MEAF6: variants seen among roughly 807,000 people sequenced by gnomAD.
MEAF6 encodes the protein MYST/Esa1 associated factor 6.
MEAF6 carries 15 observed loss-of-function variants against 28.9 expected under a neutral mutation model. The observed-to-expected ratio is 0.52, with a 90% CI of 0.35 to 0.80. MEAF6 has a LOEUF of 0.80. Ranked by LOEUF, MEAF6 falls within the 30% of genes least tolerant of loss-of-function variation. The pLI, the probability that MEAF6 is intolerant of heterozygous loss-of-function variation, is 0.01. For synonymous variants in MEAF6, 97 were observed against 88.7 expected (o/e 1.09, Z -0.53); for missense variants, 178 against 237.5 (o/e 0.75, Z 1.65).
intron 6 of MEAF6, among the ~76,000 whole-genome samples, chr1:37,495,135 C>A (rs1642076445): frequency 6.6e-6 from 1 of 150,802 alleles, no homozygotes; most frequent in Non-Finnish European, 1.5e-5. Context: ...GAGTTTGAGA[C>A]CAGCATGACC....
rs1641957477 is a variant in MEAF6, at chr1:37,492,194, A to C, written c.*1905T>G. On this transcript the variant is annotated 3_prime_UTR_variant, in exon 7 of 7. Coordinates refer to ENST00000296214, the MANE Select transcript of MEAF6 (RefSeq NM_001270875.3). ...CCGGCACCCGCCACCACGCTCAGCT[A>C]ATTTTTTGCATTTTTAGTAGAGATG... 6.6e-6 allele frequency among the ~76,000 whole-genome samples: 1 copy of C among 151,988 alleles called. No homozygotes were observed. Among genetic ancestry groups the C allele is most frequent in the Admixed American group, 6.6e-5 (1 of 15,248 alleles).
At chr1:37,514,613 G>A in intron 1 of MEAF6, 44 bp downstream of exon 1, 1 of 1,419,706 alleles carries the variant, frequency 7.0e-7, no homozygotes, top group African/African-American at 1.5e-5. Flanking sequence ...AGGCGGGGCG[G>A]GCGCGGAGCC....
At chr1:37,510,077 A>ATTTT (rs958473140) in intron 2 of MEAF6, among the ~76,000 whole-genome samples, 1 of 133,336 alleles carries the variant, frequency 7.5e-6, no homozygotes, top group Non-Finnish European at 1.6e-5. Context: ...GCGCCCAGAC[A>ATTTT]TTTTTTTTTT....
At chr1:37,505,876 T>C in intron 4 of MEAF6, among the ~76,000 whole-genome samples, 1 of 152,216 alleles carries the variant, frequency 6.6e-6, no homozygotes, top group Non-Finnish European at 1.5e-5. Flanking sequence ...AACAACTAGA[T>C]ATTCACATGC....
In MEAF6 at chr1:37,491,935, C is replaced by CA. The variant is rs1641946469; in HGVS notation, c.*2163dup. Among the ~76,000 whole-genome samples the CA allele has an allele frequency of 7.3e-6, 1 of 136,058 alleles. No homozygotes were observed. Among genetic ancestry groups the CA allele is most frequent in the South Asian group, 2.2e-4 (1 of 4,516 alleles). The allele number at this position is 136,058 out of a possible 152,430, so 89.3% of individuals were successfully genotyped here. A position where few individuals can be genotyped will look rare whatever the true frequency, so the allele number is the denominator to read the frequency against. ...TCTTTCTTTTTTTTTTTTTTTTTGA[C>CA]AGAGTCTCGCTCTGTCGCCCAGGCT... On this transcript the variant is annotated 3_prime_UTR_variant, in exon 7 of 7. Transcript: ENST00000296214.
intron 4 of MEAF6, among the ~76,000 whole-genome samples, chr1:37,508,503 T>C (rs553884220): frequency 6.6e-6 from 1 of 152,156 alleles, no homozygotes; most frequent in African/African-American, 2.4e-5. Flanking sequence ...GGTCTTGAAC[T>C]TGAACTTGTG....
At position 37,509,476 on chromosome 1, in the gene MEAF6, T is replaced by C. The variant is rs146533641; in HGVS notation, c.273A>G (p.Lys91=). 58 of 1,613,912 alleles carry C rather than the reference T, an allele frequency of 3.6e-5. 1 individual carries two copies. The Middle Eastern group carries it at 6.6e-4, about 18-fold the overall frequency. ...KFKEAERLFS[K]SSVTSAAAVS... ...TTACAGCTGCTGAGGTAACCGAGGA[T>C]TTACTGAAGAGCCGCTCAGCTTCCT... The change falls in exon 3 of 7, where the codon AAA becomes AAG. Residue 91 remains lysine (K), a synonymous_variant. Transcript: ENST00000296214.
rs948188195 is a variant in MEAF6 at position 37,492,280 on chromosome 1, G to A, written c.*1819C>T. On this transcript the variant is annotated 3_prime_UTR_variant, in exon 7 of 7. Transcript: ENST00000296214. ...CCTGACCTCGTGATCCGCCCGCTTC[G>A]GCCTCCCAAAGTGCTGGGATTACAG... Among the ~76,000 whole-genome samples, 8 of 151,734 alleles carry A rather than the reference G, an allele frequency of 5.3e-5. No individual in the cohort carries two copies. The highest frequency in any genetic ancestry group is 3.9e-4 in the East Asian group (2 of 5,116).
intron 5 of MEAF6, among the ~76,000 whole-genome samples, chr1:37,500,193 G>A (rs1038322320): frequency 4.6e-5 from 7 of 152,130 alleles, no homozygotes; most frequent in Non-Finnish European, 5.9e-5. Context: ...CTACTCAGGA[G>A]GCTGAGGCAG....
intron 4 of MEAF6, among the ~76,000 whole-genome samples, chr1:37,503,953 C>T (rs1440845704): frequency 3.3e-5 from 5 of 152,148 alleles, no homozygotes; most frequent in Middle Eastern, 3.4e-3. Context: ...AACGAGACTC[C>T]ATCTCAAAAA....
chr1:37,511,249 C>A (rs1043664315), intron 2 of MEAF6, among the ~76,000 whole-genome samples: 1 of 152,258 alleles, frequency 6.6e-6, no homozygotes, highest in East Asian at 1.9e-4. Flanking sequence ...GTTGAAACGA[C>A]AAACAAGCCA....
In MEAF6 at chr1:37,494,515, CAAAAAAAA is replaced by C. The variant is rs35851858; in HGVS notation, c.568-416_568-409del. ...GGGTGACAAGAGTGAAACTCTGTTT[CAAAAAAAA>C]AAAAAAAAAAAAAGATTGTATTTCA... On this transcript the variant is annotated intron_variant, in intron 6 of 6. Transcript: ENST00000296214. Among the ~76,000 whole-genome samples, 69 of 82,254 alleles carry C rather than the reference CAAAAAAAA, an allele frequency of 8.4e-4. 1 individual carries two copies. The highest frequency in any genetic ancestry group is 3.4e-3 in the African/African-American group (63 of 18,626). The allele number at this position is 82,254 out of a possible 152,430, so 54.0% of individuals were successfully genotyped here. A position where few individuals can be genotyped will look rare whatever the true frequency, so the allele number is the denominator to read the frequency against.
In MEAF6 at chr1:37,509,800, G is replaced by A. The variant is rs113296235; in HGVS notation, c.207-258C>T. Among the ~76,000 whole-genome samples, 1,212 of 151,970 alleles carry A rather than the reference G, an allele frequency of 8.0e-3. 12 individuals carry two copies. The highest frequency in any genetic ancestry group is 0.028 in the African/African-American group (1,144 of 41,424). On this transcript the variant is annotated intron_variant, in intron 2 of 6. Coordinates refer to ENST00000296214, the MANE Select transcript of MEAF6 (RefSeq NM_001270875.3). ...TACTTATTTATTTATTTATTGAGACGGAGTCTTGCTCTGTCGCCTACGCTG... is the reference window on the plus strand; with the variant it reads ...TACTTATTTATTTATTTATTGAGACAGAGTCTTGCTCTGTCGCCTACGCTG...
chr1:37,513,229 C>T (rs1284659600), intron 2 of MEAF6, among the ~76,000 whole-genome samples, 194 bp downstream of exon 2: 1 of 152,180 alleles, frequency 6.6e-6, no homozygotes, highest in Non-Finnish European at 1.5e-5. Context: ...GCCCAACTTT[C>T]GCTATTTTAC....
rs184678152 is a variant in MEAF6, at chr1:37,491,077, G to A, written c.*3022C>T. ...CCTCATTAATTTGGAGTAAGGTTGG[G>A]GGGCATAGAAGACAGAATAAATGCA... On this transcript the variant is annotated 3_prime_UTR_variant, in exon 7 of 7. Transcript: ENST00000296214. Among the ~76,000 whole-genome samples, 541 of 152,256 alleles carry A rather than the reference G, an allele frequency of 3.6e-3. No homozygotes were observed. Among genetic ancestry groups the A allele is most frequent in the Non-Finnish European group, 6.2e-3 (421 of 68,002 alleles).
intron 5 of MEAF6, 129 bp downstream of exon 5, chr1:37,501,675 G>T: frequency 1.1e-6 from 1 of 912,626 alleles, no homozygotes; most frequent in Non-Finnish European, 1.6e-6. Flanking sequence ...CCGTTCACTT[G>T]GACCTAATGA....
intron 2 of MEAF6, among the ~76,000 whole-genome samples, chr1:37,510,413 ACT>A (rs1642630975): frequency 9.5e-6 from 1 of 105,710 alleles, no homozygotes; most frequent in Admixed American, 1.4e-4. Flanking sequence ...TGAGAGTCTC[ACT>A]CTGTCTCCCA....
Position 37,514,708 on chromosome 1 carries a change from C to G in MEAF6, c.39G>C (p.Pro13=). 6 of 1,532,868 alleles carry G rather than the reference C, an allele frequency of 3.9e-6. No homozygotes were observed. Among genetic ancestry groups the G allele is most frequent in the South Asian group, 2.3e-5 (2 of 85,178 alleles). 95.0% of individuals were successfully genotyped at this position (1,532,868 alleles called of 1,614,324 possible). Residue 13 remains proline, a synonymous_variant, in exon 1 of 7, where the codon CCG becomes CCC. Transcript: ENST00000296214. ...MHNKAAPPQI[P]DTRRELAELV... Reference sequence around the variant, plus strand: ...GCTCCGCCAGCTCCCGCCGGGTGTCCGGGATCTGCGGCGGCGCCGCCTTGT... The same window carrying G: ...GCTCCGCCAGCTCCCGCCGGGTGTCGGGGATCTGCGGCGGCGCCGCCTTGT...
At chr1:37,498,409 T>TTATTATTATTA (rs1642189837) in intron 5 of MEAF6, among the ~76,000 whole-genome samples, 2 of 122,538 alleles carry the variant, frequency 1.6e-5, no homozygotes, top group African/African-American at 5.3e-5. Flanking sequence ...TATGTTATTT[T>TTATTATTATTA]TTATTATTAT....
Sources: allele counts gnomAD v4.1 joint callset (sites outside exome capture counted in the v4.1 genomes callset), GRCh38; gene constraint gnomAD v4.1.1; transcripts MANE v1.5; gene names NCBI Gene and HGNC (gene_info 2026-07-23, HGNC 2026-07-21).